The following DACT3 variants were observed in gnomAD, a reference collection of about 807,000 sequenced individuals.
DACT3 encodes the protein dapper homolog 3.
In DACT3, 5 loss-of-function variants were observed where a neutral mutation model predicts 19.6. The observed-to-expected ratio is 0.26, with a 90% confidence interval of 0.13 to 0.54. The LOEUF is 0.54. Ranked by LOEUF, DACT3 falls within the 20% of genes least tolerant of loss-of-function variation. The pLI, the probability that DACT3 is intolerant of heterozygous loss-of-function variation, is 0.95. For missense variants in DACT3, 908 were observed against 927.4 expected (o/e 0.98, Z 0.27); for synonymous variants, 454 against 428.1 (o/e 1.06, Z -0.75).
At chr19:46,657,329 GA>G (rs2053039867) in intron 1 of DACT3, among the ~76,000 whole-genome samples, 1 of 148,836 alleles carries the variant, frequency 6.7e-6, no homozygotes, top group African/African-American at 2.5e-5. Flanking sequence ...AGGTTATTGT[GA>G]GGATTAAATG....
chr19:46,649,138 G>A lies in DACT3; in HGVS notation c.1234C>T (p.Arg412Cys), dbSNP rs1309399555. Residue 412 changes from arginine to cysteine, a missense_variant, in exon 4 of 4, where the codon CGC (arginine) becomes TGC (cysteine). This residue lies in a region of DACT3 where 656 missense variants were observed against 601.8 expected (regional missense o/e 1.09). Coordinates refer to ENST00000391916, the MANE Select transcript of DACT3 (RefSeq NM_145056.3). ...TTGCGGGCCCTGGGCGAGCCGCGGC[G>A]GCCCGAAGCCTCGGCCATGCGTCCA... is the stretch of plus-strand genomic sequence containing the variant. ...RRGRMAEASG[R>C]RGSPRARKAS... is the part of the protein sequence containing the mutation. The A allele has an allele frequency of 3.9e-5, 49 of 1,264,178 alleles. No individual in the cohort carries two copies. The highest frequency in any genetic ancestry group is 4.6e-5 in the Non-Finnish European group (46 of 1,006,866). The allele number at this position is 1,264,178 out of a possible 1,614,324, so 78.3% of individuals were successfully genotyped here.
rs1210857683 is a variant in DACT3, at chr19:46,649,828, C to A, written c.544G>T (p.Ala182Ser). 21 of 1,425,710 alleles carry A rather than the reference C, an allele frequency of 1.5e-5. No homozygotes were observed. Among genetic ancestry groups the A allele is most frequent in the Non-Finnish European group, 1.7e-5 (19 of 1,096,516 alleles). 88.3% of individuals were successfully genotyped at this position (1,425,710 alleles called of 1,614,324 possible). A position where few individuals can be genotyped will look rare whatever the true frequency, so the allele number is the denominator to read the frequency against. Residue 182 changes from alanine (A) to serine (S), a missense_variant, in exon 4 of 4, where the codon GCG becomes TCG. Coordinates refer to ENST00000391916, the MANE Select transcript of DACT3 (RefSeq NM_145056.3). The part of the protein sequence containing the change: ...SAPEVVGARA[A>S]VPRSFSAPYP... ...GGCGCTGAGAAGGACCGCGGCACCG[C>A]TGCCCGCGCGCCCACCACCTCCGGA...
chr19:46,649,976 C>G, intron 3 of DACT3, 104 bp from the exon 4 acceptor site: 1 of 1,224,564 alleles, frequency 8.2e-7, no homozygotes. Context: ...TTGCCTCCCT[C>G]CCTTCCATCC....
intron 1 of DACT3, among the ~76,000 whole-genome samples, chr19:46,658,260 C>T (rs1023400869): frequency 6.7e-6 from 1 of 149,568 alleles, no homozygotes; most frequent in African/African-American, 2.5e-5. Context: ...CCAAATGTGG[C>T]GGTGTGCACC....
Position 46,653,091 on chromosome 19 carries a change from G to T in DACT3, c.250-16C>A. 1.9e-6 allele frequency: 3 copies of T among 1,550,554 alleles called. No homozygotes were observed. In the South Asian group the frequency reaches 3.6e-5, roughly 18 times the overall value. On this transcript the variant is annotated splice_polypyrimidine_tract_variant and intron_variant, in intron 1 of 3. Coordinates refer to ENST00000391916, the MANE Select transcript of DACT3 (RefSeq NM_145056.3). ...GCAGGGCCTCCTGAAGGCATAGGGAGAGAAGGATGGTCAGAAGGCCCCCAG... is the reference window on the plus strand; with the variant it reads ...GCAGGGCCTCCTGAAGGCATAGGGATAGAAGGATGGTCAGAAGGCCCCCAG...
chr19:46,649,386 TCCCACGACGACG>T lies in DACT3; in HGVS notation c.974_985del (p.Ala325_Trp328del), dbSNP rs936761454. ...AGCGGGCTCGGGTGCCGCCTCCGAC[TCCCACGACGACG>T]CCCAGGCGCGGCTCAAGGCGGCAGG... On this transcript the variant is annotated inframe_deletion, in exon 4 of 4. Transcript: ENST00000391916. 7 of 1,282,342 alleles carry T rather than the reference TCCCACGACGACG, an allele frequency of 5.5e-6. No homozygotes were observed. The highest frequency in any genetic ancestry group is 7.0e-6 in the Non-Finnish European group (7 of 1,006,338). The allele number at this position is 1,282,342 out of a possible 1,614,324, so 79.4% of individuals were successfully genotyped here.
chr19:46,661,072 GC>G lies in DACT3; in HGVS notation c.-9del. ...CGAGAAGGCCCGGATCATGGCTGCG[GC>G]CCCCCGCCCCAGCCCGGCCGGGCCC... On this transcript the variant is annotated 5_prime_UTR_variant, in exon 1 of 4. Transcript: ENST00000391916. 2 of 1,443,680 alleles carry G rather than the reference GC, an allele frequency of 1.4e-6. No homozygotes were observed. The highest frequency in any genetic ancestry group is 2.7e-5 in the Admixed American group (1 of 36,368). 89.4% of individuals were successfully genotyped at this position (1,443,680 alleles called of 1,614,324 possible).
chr19:46,649,277 C>G lies in DACT3; in HGVS notation c.1095G>C (p.Ala365=). The G allele has an allele frequency of 1.7e-6, 2 of 1,209,930 alleles. No homozygotes were observed. Among genetic ancestry groups the G allele is most frequent in the Non-Finnish European group, 2.1e-6 (2 of 974,700 alleles). The allele number at this position is 1,209,930 out of a possible 1,614,324, so 74.9% of individuals were successfully genotyped here. A position where few individuals can be genotyped will look rare whatever the true frequency, so the allele number is the denominator to read the frequency against. Residue 365 remains alanine (A), a synonymous_variant, in exon 4 of 4, where the codon GCG becomes GCC. Coordinates refer to ENST00000391916, the MANE Select transcript of DACT3 (RefSeq NM_145056.3). The part of the protein sequence containing the change: ...VKAQYIPGAQ[A]ATRGLPGRAA... Reference sequence around the variant, plus strand: ...CGCGGCCAGGGAGGCCTCGGGTGGCCGCCTGCGCGCCCGGGATGTACTGCG... The same window carrying G: ...CGCGGCCAGGGAGGCCTCGGGTGGCGGCCTGCGCGCCCGGGATGTACTGCG...
Position 46,648,360 on chromosome 19 carries a change from T to C in DACT3, c.*122A>G. On this transcript the variant is annotated 3_prime_UTR_variant, in exon 4 of 4. Transcript: ENST00000391916. This position sits in a 1 kb window ranked among gnomAD's most constrained non-coding sequence, Gnocchi z 5.1. ...CCAAGACTGTTAGGAGTGGGGAGAG[T>C]GAGGGGGGTCTTTGGAAGCAGAGAA... 6.9e-7 allele frequency: 1 copy of C among 1,449,788 alleles called. No homozygotes were observed. Among genetic ancestry groups the C allele is most frequent in the East Asian group, 2.5e-5 (1 of 40,308 alleles). The allele number at this position is 1,449,788 out of a possible 1,614,324, so 89.8% of individuals were successfully genotyped here. A position where few individuals can be genotyped will look rare whatever the true frequency, so the allele number is the denominator to read the frequency against.
At chr19:46,650,126 T>C in intron 3 of DACT3, 1 of 134,624 alleles carries the variant, frequency 7.4e-6, no homozygotes, top group Non-Finnish European at 1.4e-5. Context: ...TCTTACCCCC[T>C]ATTTTTTTTT....
At chr19:46,649,953 C>T (rs1400208080) in intron 3 of DACT3, 81 bp from the exon 4 acceptor site, 7 of 1,277,272 alleles carry the variant, frequency 5.5e-6, no homozygotes, top group South Asian at 2.2e-5. Flanking sequence ...TCATCCAGCC[C>T]GGAAGGGGCG....
At position 46,660,087 on chromosome 19, in the gene DACT3, C is replaced by A. The variant is rs916284285; in HGVS notation, c.249+729G>T. 6.6e-6 allele frequency among the ~76,000 whole-genome samples: 1 copy of A among 152,112 alleles called. No homozygotes were observed. Among genetic ancestry groups the A allele is most frequent in the Non-Finnish European group, 1.5e-5 (1 of 68,004 alleles). ...TCAAGTCATTCCGGAGACCTCTGCC[C>A]ATCTTCCACCATGAGAACACCCAGA... On this transcript the variant is annotated intron_variant, in intron 1 of 3. Coordinates refer to ENST00000391916, the MANE Select transcript of DACT3 (RefSeq NM_145056.3). This position sits in a 1 kb window ranked among gnomAD's most constrained non-coding sequence, Gnocchi z 4.9.
In DACT3 at chr19:46,653,344, C is replaced by A. The variant is rs2053004850; in HGVS notation, c.250-269G>T. 2.6e-5 allele frequency among the ~76,000 whole-genome samples: 4 copies of A among 152,082 alleles called. 1 individual carries two copies. The South Asian group carries it at 8.3e-4, about 32-fold the overall frequency. ...GTGTGATGAGGCCTCAGAAAACCCC[C>A]ATCTCTTGCCCTGTCTTTATCAGTT... is the stretch of plus-strand genomic sequence containing the variant. On this transcript the variant is annotated intron_variant, in intron 1 of 3. Transcript: ENST00000391916.
intron 1 of DACT3, chr19:46,659,239 G>T: frequency 1.0e-6 from 1 of 985,366 alleles, no homozygotes; most frequent in Non-Finnish European, 1.2e-6. Context: ...TAGAGACTGG[G>T]GGGTGGGGGG....
intron 1 of DACT3, chr19:46,654,947 G>T: frequency 1.0e-6 from 1 of 985,144 alleles, no homozygotes; most frequent in East Asian, 1.1e-4. Context: ...CTCCTGCCCT[G>T]GGTATATTGA....
intron 1 of DACT3, among the ~76,000 whole-genome samples, chr19:46,659,702 C>T (rs1206197454): frequency 6.6e-6 from 1 of 152,064 alleles, no homozygotes; most frequent in Non-Finnish European, 1.5e-5. Flanking sequence ...GCGGGGAGAG[C>T]CCCCTCCACT....
At chr19:46,654,821 A>ACC in intron 1 of DACT3, 1 of 970,942 alleles carries the variant, frequency 1.0e-6, no homozygotes, top group Non-Finnish European at 1.2e-6. Flanking sequence ...GGCAGCCACA[A>ACC]CCCCCCCGCC....
chr19:46,656,220 T>G (rs1453448303), intron 1 of DACT3, among the ~76,000 whole-genome samples: 1 of 151,736 alleles, frequency 6.6e-6, no homozygotes, highest in Non-Finnish European at 1.5e-5. Flanking sequence ...TGGCTAATTT[T>G]TGTGTTTTTA....
At chr19:46,654,661 G>A (rs1294004738) in intron 1 of DACT3, 7 of 985,338 alleles carry the variant, frequency 7.1e-6, no homozygotes, top group East Asian at 1.1e-4. Context: ...GAGTGAGGCC[G>A]GGTAGCAGCA....
Sources: gnomAD v4.1 joint callset for allele counts (sites outside exome capture counted in the v4.1 genomes callset) on GRCh38, gnomAD v4.1.1 for gene constraint, gnomAD v4.1.1 regional missense constraint, Gnocchi (gnomAD v3.1) non-coding constraint, MANE v1.5 for transcripts, NCBI Gene and HGNC (gene_info 2026-07-23, HGNC 2026-07-21) for gene names.